The following RYR1 variants were observed in gnomAD, a reference collection of about 807,000 sequenced individuals.
RYR1 encodes the protein ryanodine receptor 1.
A neutral mutation model predicts 583.5 loss-of-function variants in RYR1; 342 were observed. The observed-to-expected ratio is 0.59, with a 90% CI of 0.54 to 0.64. The LOEUF (loss-of-function observed/expected upper bound fraction) is 0.64. RYR1 is among the 30% of genes least tolerant of loss of function. The pLI is 0.00. For synonymous variants in RYR1, 2,791 were observed against 2,822.5 expected, an observed-to-expected ratio of 0.99 and a Z score of 0.35; for missense variants, 6,032 against 6,917.2, an observed-to-expected ratio of 0.87 and a Z score of 4.54.
At chr19:38,576,650 A>G (rs113718374) in intron 97 of RYR1, among the ~76,000 whole-genome samples, 2,770 of 151,986 alleles carry the variant, frequency 0.018, 76 homozygotes, top group African/African-American at 0.062. Context: ...CATCTCTACT[A>G]AAAACACAAA....
rs79912670 is a variant in RYR1 at position 38,433,995 on chromosome 19, A to G, written c.45+121A>G. On this transcript the variant is annotated intron_variant, in intron 1 of 105. Coordinates refer to ENST00000359596, the MANE Select transcript of RYR1 (RefSeq NM_000540.3). Reference sequence around the variant, plus strand: ...TCTCTGAGACTCGAGGTCTCTTCCTATGTCACTTTGAGTGACTGTCACTCT... The same window carrying G: ...TCTCTGAGACTCGAGGTCTCTTCCTGTGTCACTTTGAGTGACTGTCACTCT... 0.015 allele frequency: 12,826 copies of G among 857,564 alleles called. 696 individuals are homozygous for G. The highest frequency in any genetic ancestry group is 0.14 in the African/African-American group (8,412 of 60,390). 53.1% of individuals were successfully genotyped at this position (857,564 alleles called of 1,614,324 possible).
intron 31 of RYR1, among the ~76,000 whole-genome samples, chr19:38,480,858 T>G (rs368600515): frequency 6.6e-6 from 1 of 151,842 alleles, no homozygotes; most frequent in Non-Finnish European, 1.5e-5. Flanking sequence ...CTCCTAAGTA[T>G]GTGAGATTAC....
intron 31 of RYR1, 44 bp downstream of exon 31, chr19:38,478,644 G>A: frequency 6.3e-7 from 1 of 1,599,570 alleles, no homozygotes; most frequent in Non-Finnish European, 8.5e-7. Flanking sequence ...TCATGTCCCA[G>A]CATCCCAGGA....
rs1463557711 is a variant in RYR1 at position 38,580,018 on chromosome 19, C to T, written c.14401C>T (p.Leu4801Phe). ...LYLGWYMVMS[L>F]LGHYNNFFFA... ...CCTGGGCTGGTATATGGTGATGTCC[C>T]TCTTGGGACACTACAACAACTTCTT... Residue 4801 changes from leucine to phenylalanine, a missense_variant, in exon 100 of 106, where the codon CTC becomes TTC. Coordinates refer to ENST00000359596, the MANE Select transcript of RYR1 (RefSeq NM_000540.3). 6.2e-7 allele frequency: 1 copy of T among 1,614,134 alleles called. No individual in the cohort carries two copies. The highest frequency in any genetic ancestry group is 2.2e-5 in the East Asian group (1 of 44,882).
chr19:38,459,107 G>A (rs749914741), intron 18 of RYR1, 39 bp from the exon 19 acceptor site: 3 of 1,552,708 alleles, frequency 1.9e-6, no homozygotes, highest in East Asian at 4.5e-5. Context: ...GGTTCTGTGG[G>A]ACCTGTGACG....
chr19:38,570,825 T>C, intron 94 of RYR1, 132 bp downstream of exon 94: 1 of 792,862 alleles, frequency 1.3e-6, no homozygotes, highest in East Asian at 2.5e-5. Context: ...GTTAGGAGGG[T>C]TCAGGCTGGA....
chr19:38,566,580 G>A (rs1008522486), intron 91 of RYR1, among the ~76,000 whole-genome samples: 1 of 151,926 alleles, frequency 6.6e-6, no homozygotes, highest in African/African-American at 2.4e-5. Context: ...ACACCGTGGA[G>A]GAAGGGACCC....
At chr19:38,574,257 C>G (rs11883059) in intron 96 of RYR1, among the ~76,000 whole-genome samples, 1 of 104,794 alleles carries the variant, frequency 9.5e-6, no homozygotes, top group East Asian at 2.9e-4. Context: ...GAGACTCCAT[C>G]TGAAAAAAAA....
chr19:38,565,624 G>T lies in RYR1; in HGVS notation c.13290G>T (p.Gly4430=), dbSNP rs527530809. 4.3e-6 allele frequency: 6 copies of T among 1,405,742 alleles called. No individual in the cohort carries two copies. In the Admixed American group the frequency reaches 1.3e-4, roughly 31 times the overall value. 87.1% of individuals were successfully genotyped at this position (1,405,742 alleles called of 1,614,324 possible). A position where few individuals can be genotyped will look rare whatever the true frequency, so the allele number is the denominator to read the frequency against. ...AGGAGGAGGCGGTGCACGAGGCCGG[G>T]CCGGGCGGTGCCGACGGGGCGGTGG... ...GDEEEAVHEA[G]PGGADGAVAV... is the part of the protein sequence containing the mutation. Residue 4430 remains glycine, a synonymous_variant, in exon 91 of 106, where the codon GGG becomes GGT. Coordinates refer to ENST00000359596, the MANE Select transcript of RYR1 (RefSeq NM_000540.3). This position sits in a 1 kb window ranked among gnomAD's most constrained non-coding sequence, Gnocchi z 4.7.
intron 2 of RYR1, among the ~76,000 whole-genome samples, chr19:38,441,915 A>G (rs1299023106): frequency 1.3e-5 from 2 of 150,036 alleles, no homozygotes; most frequent in Non-Finnish European, 3.0e-5. Flanking sequence ...GTGATGGTGG[A>G]GGCAGGAGGT....
chr19:38,493,830 T>G (rs1004928169), intron 38 of RYR1, among the ~76,000 whole-genome samples: 1 of 152,092 alleles, frequency 6.6e-6, no homozygotes, highest in Non-Finnish European at 1.5e-5. Context: ...AAATCCACAG[T>G]ATTTTTATAG....
In RYR1 at chr19:38,469,106, C is replaced by T. The variant is rs559858324; in HGVS notation, c.3522C>T (p.Ser1174=). The T allele has an allele frequency of 9.3e-6, 15 of 1,614,044 alleles. No homozygotes were observed. The highest frequency in any genetic ancestry group is 5.0e-5 in the Admixed American group (3 of 59,986). ...AGGTCCTCATGTCTGACTCAGGCTC[C>T]GAAACAGCCTTCCGGGAGATTGAGA... ...NGEVLMSDSG[S]ETAFREIEIG... The change falls in exon 26 of 106, where the codon TCC becomes TCT. Residue 1174 remains serine, a synonymous_variant. Coordinates refer to ENST00000359596, the MANE Select transcript of RYR1 (RefSeq NM_000540.3).
rs995399684 is a variant in RYR1, at chr19:38,565,220, C to T, written c.12886C>T (p.Arg4296Trp). The T allele has an allele frequency of 3.3e-4, 327 of 990,082 alleles. No individual in the cohort carries two copies. Among genetic ancestry groups the T allele is most frequent in the African/African-American group, 6.2e-4 (35 of 56,604 alleles). 61.3% of individuals were successfully genotyped at this position (990,082 alleles called of 1,614,324 possible). ...CACGGCGGCGGCGGGGGCGACGGCG[C>T]GGGTTGTGGCGGCCGCAGGCCGGGC... ...AATAAAGATARVVAAAGRALR... is the reference protein window; with the variant it reads ...AATAAAGATAWVVAAAGRALR... The change falls in exon 91 of 106, where the codon CGG becomes TGG. Residue 4296 changes from arginine (R) to tryptophan (W), a missense_variant. Physicochemically the swap from Arg to Trp is moderately radical, Grantham distance 101. Coordinates refer to ENST00000359596, the MANE Select transcript of RYR1 (RefSeq NM_000540.3). The surrounding 1 kb of genome is among the most constrained non-coding windows in gnomAD (Gnocchi z 4.7).
intron 31 of RYR1, among the ~76,000 whole-genome samples, chr19:38,482,053 A>G (rs547010900): frequency 2.0e-5 from 3 of 152,212 alleles, no homozygotes; most frequent in Admixed American, 1.3e-4. Flanking sequence ...ATGCCACTGC[A>G]CTCTCTAGCC....
intron 60 of RYR1, 91 bp from the exon 61 acceptor site, chr19:38,511,470 C>G: frequency 7.6e-7 from 1 of 1,323,348 alleles, no homozygotes; most frequent in Admixed American, 1.7e-5. Flanking sequence ...TTCTCTGTCC[C>G]TGTCTCCTCT....
rs770579449 is a variant in RYR1, at chr19:38,527,731, A to G, written c.10771A>G (p.Lys3591Glu). The G allele has an allele frequency of 6.2e-7, 1 of 1,613,930 alleles. No homozygotes were observed. Among genetic ancestry groups the G allele is most frequent in the Non-Finnish European group, 8.5e-7 (1 of 1,179,968 alleles). ...CGAGGAGGACGCCGATGACCCCGAG[A>G]AAATCGTGCGCAGAGTCCAGGAAGT... is the stretch of plus-strand genomic sequence containing the variant. ...GREEDADDPE[K>E]IVRRVQEVSA... The change falls in exon 73 of 106, where the codon AAA becomes GAA. Residue 3591 changes from lysine to glutamate, a missense_variant. Lys to Glu is a moderately conservative substitution (Grantham distance 56, BLOSUM62 1). Around this residue, in one of 11 missense-constraint regions of RYR1, gnomAD observed 1,493 missense variants for 1,715.5 expected, o/e 0.87. Coordinates refer to ENST00000359596, the MANE Select transcript of RYR1 (RefSeq NM_000540.3).
chr19:38,534,063 G>A (rs1469496685), intron 78 of RYR1, among the ~76,000 whole-genome samples: 2 of 147,334 alleles, frequency 1.4e-5, no homozygotes, highest in Non-Finnish European at 3.0e-5. Context: ...GCTGGATGGA[G>A]TGCAGTGGCG....
Position 38,585,921 on chromosome 19 carries a change from G to C in RYR1, c.14804-17G>C, listed in dbSNP as rs773885994. The C allele has an allele frequency of 1.9e-6, 3 of 1,614,082 alleles. No homozygotes were observed. In the South Asian group the frequency reaches 3.3e-5, roughly 18 times the overall value. ...CAGGTCAGAGGTCGGGCACTGACTT[G>C]TGTCCTGCCACCCCAGGTCTGATCA... On this transcript the variant is annotated splice_polypyrimidine_tract_variant and intron_variant, in intron 102 of 105. Transcript: ENST00000359596.
Position 38,504,860 on chromosome 19 carries a change from C to T in RYR1, c.8180C>T (p.Ala2727Val), listed in dbSNP as rs768303393. The T allele has an allele frequency of 6.2e-6, 10 of 1,614,110 alleles. No individual in the cohort carries two copies. In the South Asian group the frequency reaches 1.1e-4, roughly 18 times the overall value. Residue 2727 changes from alanine to valine, a missense_variant, in exon 51 of 106, where the codon GCC becomes GTC. Around this residue, in one of 11 missense-constraint regions of RYR1, gnomAD observed 1,493 missense variants for 1,715.5 expected, o/e 0.87. Coordinates refer to ENST00000359596, the MANE Select transcript of RYR1 (RefSeq NM_000540.3). Reference protein sequence around the residue: ...ASYSSKAEKKATVDAEGNFDP... With the variant: ...ASYSSKAEKKVTVDAEGNFDP... The stretch of plus-strand genomic sequence containing the variant: ...TACTCATCTAAGGCAGAGAAAAAGG[C>T]CACAGTGGATGCTGAAGGCAACTTT...
Sources: gnomAD v4.1 joint callset for allele counts (sites outside exome capture counted in the v4.1 genomes callset) on GRCh38, gnomAD v4.1.1 for gene constraint, gnomAD v4.1.1 regional missense constraint, Gnocchi (gnomAD v3.1) non-coding constraint, MANE v1.5 for transcripts, NCBI Gene and HGNC (gene_info 2026-07-23, HGNC 2026-07-21) for gene names.